Variants in HK2 observed in about 807,000 individuals in gnomAD.
HK2 encodes the protein hexokinase 2, also known as hexokinase-2.
A neutral mutation model predicts 92.9 loss-of-function variants in HK2; 42 were observed. The observed-to-expected ratio is 0.45, with a 90% CI of 0.35 to 0.58. The LOEUF (loss-of-function observed/expected upper bound fraction) is 0.58, where lower values mean the gene tolerates loss of function less well. HK2 is among the 20% of genes least tolerant of loss of function. The probability of loss-of-function intolerance (pLI) is 0.00; values close to 1 mark genes in which losing one functional copy is unlikely to be tolerated. For missense variants in HK2, 978 were observed against 1,245.1 expected (o/e 0.79, Z 3.23); for synonymous variants, 422 against 468.0 (o/e 0.90, Z 1.27).
intron 10 of HK2, among the ~76,000 whole-genome samples, chr2:74,881,337 TTGGTCCCTGCTCTACCCTGTCC>T: frequency 1.3e-5 from 2 of 152,326 alleles, no homozygotes; most frequent in South Asian, 4.1e-4. Flanking sequence ...AGACTGGGAT[TTGGTCCCTGCTCTACCCTGTCC>T]TGGTCGTATG....
chr2:74,877,245 C>T lies in HK2; in HGVS notation c.955C>T (p.Leu319Phe). The change falls in exon 8 of 18, where the codon CTC (leucine) becomes TTC (phenylalanine). Residue 319 changes from leucine to phenylalanine, a missense_variant. Leu to Phe is a conservative substitution (Grantham distance 22). Coordinates refer to ENST00000290573, the MANE Select transcript of HK2 (RefSeq NM_000189.5). ...GGTGAAGATGGCCAAGGAGGAGCTGCTCTTTGGGGGGAAGCTCAGCCCAGA... is the reference window on the plus strand; with the variant it reads ...GGTGAAGATGGCCAAGGAGGAGCTGTTCTTTGGGGGGAAGCTCAGCCCAGA... Reference protein sequence around the residue: ...ILVKMAKEELLFGGKLSPELL... With the variant: ...ILVKMAKEELFFGGKLSPELL... 6.2e-7 allele frequency: 1 copy of T among 1,614,122 alleles called. No individual in the cohort carries two copies. Among genetic ancestry groups the T allele is most frequent in the South Asian group, 1.1e-5 (1 of 91,082 alleles).
intron 8 of HK2, among the ~76,000 whole-genome samples, chr2:74,878,110 T>A (rs1689278311): frequency 6.6e-6 from 1 of 152,084 alleles, no homozygotes; most frequent in Non-Finnish European, 1.5e-5. Context: ...TTGAGAAGGG[T>A]GCTAAGGTTA....
chr2:74,865,812 A>G (rs1277156363), intron 2 of HK2, among the ~76,000 whole-genome samples: 1 of 152,064 alleles, frequency 6.6e-6, no homozygotes, highest in Non-Finnish European at 1.5e-5. Context: ...GGAAGAGTCA[A>G]GTGAGGCTGT....
intron 1 of HK2, among the ~76,000 whole-genome samples, chr2:74,843,691 CT>C (rs1573354385): frequency 6.6e-6 from 1 of 152,170 alleles, no homozygotes; most frequent in Non-Finnish European, 1.5e-5. Context: ...CTTAAAAGGC[CT>C]TTTTCCCAAT....
At chr2:74,861,323 GAC>G (rs1415016928) in intron 2 of HK2, among the ~76,000 whole-genome samples, 1 of 151,898 alleles carries the variant, frequency 6.6e-6, no homozygotes, top group Non-Finnish European at 1.5e-5. Flanking sequence ...GGGGGGCTGA[GAC>G]ACGAGAATCG....
At chr2:74,842,730 T>G (rs1263720507) in intron 1 of HK2, among the ~76,000 whole-genome samples, 1 of 152,198 alleles carries the variant, frequency 6.6e-6, no homozygotes, top group African/African-American at 2.4e-5. Flanking sequence ...GCGTAGGAGA[T>G]CCATCCTTAA....
intron 11 of HK2, 118 bp downstream of exon 11, chr2:74,881,977 G>T: frequency 7.0e-7 from 1 of 1,418,464 alleles, no homozygotes; most frequent in Non-Finnish European, 9.9e-7. Flanking sequence ...ACCCAGGGCT[G>T]CAGCCTGGTC....
At chr2:74,885,667 G>A in intron 13 of HK2, 78 bp downstream of exon 13, 4 of 970,230 alleles carry the variant, frequency 4.1e-6, no homozygotes, top group Non-Finnish European at 6.7e-6. Context: ...GAAAGTGAAG[G>A]CAACAGTAAG....
rs146408073 is a variant in HK2, at chr2:74,873,855, C to G, written c.603C>G (p.Ile201Met). ...KAIQRRGDFD[I>M]DIVAVVNDTV... is the part of the protein sequence containing the mutation. The stretch of plus-strand genomic sequence containing the variant: ...ATTTGTCTCCACAGGACTTTGATAT[C>G]GACATTGTGGCTGTGGTGAATGACA... The change falls in exon 6 of 18, where the codon ATC becomes ATG. Residue 201 changes from isoleucine to methionine, a missense_variant. By Grantham distance (10) the Ile-to-Met change is conservative. This residue lies in a region of HK2 where 189 missense variants were observed against 289.5 expected (regional missense o/e 0.65). Coordinates refer to ENST00000290573, the MANE Select transcript of HK2 (RefSeq NM_000189.5). 8.7e-6 allele frequency: 14 copies of G among 1,613,342 alleles called. No individual in the cohort carries two copies. The highest frequency in any genetic ancestry group is 1.7e-6 in the Non-Finnish European group (2 of 1,179,600).
chr2:74,859,431 A>T (rs1190231364), intron 2 of HK2, among the ~76,000 whole-genome samples: 1 of 152,208 alleles, frequency 6.6e-6, no homozygotes, highest in Non-Finnish European at 1.5e-5. Flanking sequence ...TCATGCCTGC[A>T]ATCCCAGCAC....
intron 8 of HK2, among the ~76,000 whole-genome samples, chr2:74,878,441 G>GTGTGTGTGTGCA (rs1558801883): frequency 7.1e-4 from 107 of 150,748 alleles, no homozygotes; most frequent in African/African-American, 2.6e-3. Flanking sequence ...GTGTGTGTGC[G>GTGTGTGTGTGCA]CACGCACATG....
chr2:74,865,167 G>A (rs1427257151), intron 2 of HK2, among the ~76,000 whole-genome samples: 1 of 152,168 alleles, frequency 6.6e-6, no homozygotes, highest in Non-Finnish European at 1.5e-5. Flanking sequence ...TCCTATGTGT[G>A]TGGAGGAGGG....
chr2:74,852,248 G>A (rs767507420), intron 1 of HK2, among the ~76,000 whole-genome samples: 1 of 152,212 alleles, frequency 6.6e-6, no homozygotes, highest in Non-Finnish European at 1.5e-5. Flanking sequence ...TCTGGTCTGG[G>A]TAGCCCCAGA....
At chr2:74,845,312 T>G (rs1407123186) in intron 1 of HK2, among the ~76,000 whole-genome samples, 1 of 152,200 alleles carries the variant, frequency 6.6e-6, no homozygotes, top group African/African-American at 2.4e-5. Context: ...CCTGGCACAC[T>G]CAACTTGGCA....
intron 1 of HK2, among the ~76,000 whole-genome samples, chr2:74,851,684 C>T (rs1431013682): frequency 6.6e-6 from 1 of 152,092 alleles, no homozygotes; most frequent in Non-Finnish European, 1.5e-5. Context: ...GGGGCGGGGG[C>T]ACCAAGAAGC....
At chr2:74,890,667 G>C (rs1689654368) in intron 17 of HK2, 130 bp from the exon 18 acceptor site, 6 of 1,081,010 alleles carry the variant, frequency 5.6e-6, no homozygotes, top group Non-Finnish European at 8.6e-6. Flanking sequence ...CATTATAGCT[G>C]TCATCCTTCT....
intron 2 of HK2, 47 bp from the exon 3 acceptor site, chr2:74,867,589 G>C (rs377164474): frequency 2.5e-5 from 41 of 1,610,342 alleles, no homozygotes; most frequent in Non-Finnish European, 3.1e-5. Flanking sequence ...GTTGGTTCCT[G>C]GAAGAATTTT....
chr2:74,851,908 C>T (rs1211057980), intron 1 of HK2, among the ~76,000 whole-genome samples: 1 of 152,162 alleles, frequency 6.6e-6, no homozygotes, highest in Non-Finnish European at 1.5e-5. Flanking sequence ...GCCTGCATTC[C>T]CTGCAATGCT....
chr2:74,845,746 C>T (rs1281298702), intron 1 of HK2, among the ~76,000 whole-genome samples: 1 of 152,238 alleles, frequency 6.6e-6, no homozygotes, highest in Non-Finnish European at 1.5e-5. Flanking sequence ...CATAGGAGAT[C>T]TGAGTTTCGG....
Sources: allele counts gnomAD v4.1 joint callset (sites outside exome capture counted in the v4.1 genomes callset), GRCh38; gene constraint gnomAD v4.1.1; regional missense constraint gnomAD v4.1.1; transcripts MANE v1.5; gene names NCBI Gene and HGNC (gene_info 2026-07-23, HGNC 2026-07-21).